PIAS1: variants seen among roughly 807,000 people sequenced by gnomAD.
PIAS1 encodes protein inhibitor of activated STAT 1.
Under a neutral mutation model 71.3 loss-of-function variants are expected in PIAS1, and 6 were observed. The observed-to-expected ratio is 0.08, with a 90% CI of 0.05 to 0.17. The LOEUF is 0.17. Ranked by LOEUF, PIAS1 falls within the 10% of genes least tolerant of loss-of-function variation. The probability of loss-of-function intolerance (pLI) is 1.00; values close to 1 mark genes in which losing one functional copy is unlikely to be tolerated. For synonymous variants in PIAS1, 303 were observed against 292.9 expected, an observed-to-expected ratio of 1.03 and a Z score of -0.35; for missense variants, 555 against 793.6, an observed-to-expected ratio of 0.70 and a Z score of 3.61.
chr15:68,125,791 C>A (rs367569460), intron 2 of PIAS1, among the ~76,000 whole-genome samples: 61 of 152,156 alleles, frequency 4.0e-4, no homozygotes, highest in African/African-American at 1.4e-3. Flanking sequence ...GCCTCAAACT[C>A]CTGAGCTTAA....
chr15:68,179,662 G>A (rs1404734756), intron 11 of PIAS1, among the ~76,000 whole-genome samples: 4 of 129,210 alleles, frequency 3.1e-5, no homozygotes, highest in Admixed American at 9.4e-5. Context: ...CACACCCTCC[G>A]CCTCCTGGGT....
intron 2 of PIAS1, among the ~76,000 whole-genome samples, chr15:68,110,633 G>A (rs1178275417): frequency 2.6e-5 from 4 of 152,006 alleles, no homozygotes; most frequent in South Asian, 2.1e-4. Flanking sequence ...ATGGTGGTGC[G>A]TGCCTGTAGT....
At chr15:68,166,276 G>A (rs542872985) in intron 8 of PIAS1, among the ~76,000 whole-genome samples, 2 of 151,784 alleles carry the variant, frequency 1.3e-5, no homozygotes, top group African/African-American at 4.8e-5. Context: ...TAAGTAACCA[G>A]GTAAATGTTA....
rs1188654426 is a variant in PIAS1, at chr15:68,054,625, C to T, written c.24+275C>T. 3 of 376,334 alleles carry T rather than the reference C, an allele frequency of 8.0e-6. No individual in the cohort carries two copies. Among genetic ancestry groups the T allele is most frequent in the African/African-American group, 4.3e-5 (2 of 46,974 alleles). 23.3% of individuals were successfully genotyped at this position (376,334 alleles called of 1,614,324 possible). A position where few individuals can be genotyped will look rare whatever the true frequency, so the allele number is the denominator to read the frequency against. ...GTGGCGGGGGAAGAGATAGGGAGTC[C>T]GGAGGTAGGGGCTGCAGCTGTCTCA... On this transcript the variant is annotated intron_variant, in intron 1 of 13. Coordinates refer to ENST00000249636, the MANE Select transcript of PIAS1 (RefSeq NM_016166.3). This position sits in a 1 kb window ranked among gnomAD's most constrained non-coding sequence, Gnocchi z 4.6.
At chr15:68,143,056 A>G (rs1309493865) in intron 4 of PIAS1, among the ~76,000 whole-genome samples, 2 of 151,866 alleles carry the variant, frequency 1.3e-5, no homozygotes, top group Admixed American at 1.3e-4. Flanking sequence ...TCTCCCTTAT[A>G]TATCTCCCTT....
intron 2 of PIAS1, among the ~76,000 whole-genome samples, chr15:68,135,088 G>GT (rs2092716741): frequency 2.0e-5 from 1 of 49,508 alleles, no homozygotes; most frequent in South Asian, 4.7e-4. Context: ...GGCTGGCCGG[G>GT]CGGGGGGCTG....
chr15:68,076,952 A>G (rs1357761117), intron 1 of PIAS1, among the ~76,000 whole-genome samples: 1 of 152,196 alleles, frequency 6.6e-6, no homozygotes, highest in African/African-American at 2.4e-5. Flanking sequence ...TGTAGGATAC[A>G]ATTTTTCAAA....
chr15:68,093,439 G>A (rs1279135611), intron 2 of PIAS1, among the ~76,000 whole-genome samples: 1 of 152,176 alleles, frequency 6.6e-6, no homozygotes, highest in Non-Finnish European at 1.5e-5. Context: ...GTAGGGCATT[G>A]GTCTGGATGT....
At chr15:68,143,313 A>G (rs1466303152) in intron 4 of PIAS1, among the ~76,000 whole-genome samples, 1 of 152,118 alleles carries the variant, frequency 6.6e-6, no homozygotes, top group African/African-American at 2.4e-5. Flanking sequence ...AGGCTAAAAA[A>G]GGGATTAATC....
At chr15:68,139,110 T>C (rs576269692) in intron 2 of PIAS1, among the ~76,000 whole-genome samples, 1 of 152,324 alleles carries the variant, frequency 6.6e-6, no homozygotes, top group South Asian at 2.1e-4. Flanking sequence ...ACAGAGCGTG[T>C]ATGTTTCTGT....
intron 2 of PIAS1, among the ~76,000 whole-genome samples, chr15:68,108,069 T>TG: frequency 6.6e-6 from 1 of 152,338 alleles, no homozygotes; most frequent in East Asian, 1.9e-4. Flanking sequence ...AGGAGCTTGA[T>TG]GCAGAGCTCA....
chr15:68,187,465 T>C lies in PIAS1; in HGVS notation c.1663-77T>C, dbSNP rs2093095143. On this transcript the variant is annotated intron_variant, in intron 13 of 13. Transcript: ENST00000249636. This position sits in a 1 kb window ranked among gnomAD's most constrained non-coding sequence, Gnocchi z 5.3. ...ACTCAGGCTATCTTAAATTTAGGGCTGTGTCCCGCTGAGGAGAAAATATAT... is the reference window on the plus strand; with the variant it reads ...ACTCAGGCTATCTTAAATTTAGGGCCGTGTCCCGCTGAGGAGAAAATATAT... The C allele has an allele frequency of 7.5e-7, 1 of 1,332,250 alleles. No individual in the cohort carries two copies. The highest frequency in any genetic ancestry group is 1.1e-6 in the Non-Finnish European group (1 of 947,526). The allele number at this position is 1,332,250 out of a possible 1,614,324, so 82.5% of individuals were successfully genotyped here.
chr15:68,158,551 G>A (rs1205917582), intron 7 of PIAS1, among the ~76,000 whole-genome samples: 1 of 152,068 alleles, frequency 6.6e-6, no homozygotes, highest in Non-Finnish European at 1.5e-5. Flanking sequence ...TGAGTTCTTT[G>A]GAGGAGGAAT....
chr15:68,143,077 A>AT (rs752012113), intron 4 of PIAS1, among the ~76,000 whole-genome samples: 174 of 151,002 alleles, frequency 1.2e-3, no homozygotes, highest in Non-Finnish European at 1.6e-3. Flanking sequence ...TTATATACAT[A>AT]TATATATATA....
chr15:68,101,295 A>C (rs2140998729), intron 2 of PIAS1, among the ~76,000 whole-genome samples: 1 of 150,192 alleles, frequency 6.7e-6, no homozygotes, highest in South Asian at 2.1e-4. Flanking sequence ...CTTCAGTGAA[A>C]TATCTTTTTA....
At chr15:68,097,618 A>G (rs1567040540) in intron 2 of PIAS1, among the ~76,000 whole-genome samples, 1 of 152,114 alleles carries the variant, frequency 6.6e-6, no homozygotes, top group South Asian at 2.1e-4. Flanking sequence ...TTTTTATTAA[A>G]TGCGGGGTTT....
intron 1 of PIAS1, among the ~76,000 whole-genome samples, chr15:68,075,178 C>G (rs2092147858): frequency 6.7e-6 from 1 of 148,654 alleles, no homozygotes; most frequent in Admixed American, 6.8e-5. Context: ...TCCGCCCCCC[C>G]AGGTTCAAGC....
chr15:68,180,098 G>A (rs181052161), intron 11 of PIAS1, among the ~76,000 whole-genome samples: 13 of 151,866 alleles, frequency 8.6e-5, no homozygotes, highest in Non-Finnish European at 1.5e-4. Flanking sequence ...AATTAGCTTT[G>A]TTTTTGTTTT....
At chr15:68,075,786 T>TG (rs949625434) in intron 1 of PIAS1, among the ~76,000 whole-genome samples, 1 of 150,598 alleles carries the variant, frequency 6.6e-6, no homozygotes, top group Non-Finnish European at 1.5e-5. Flanking sequence ...CCTAGGGCTT[T>TG]TTTTTTTTTT....
Sources: allele counts gnomAD v4.1 joint callset (sites outside exome capture counted in the v4.1 genomes callset), GRCh38; gene constraint gnomAD v4.1.1; non-coding constraint Gnocchi (gnomAD v3.1); transcripts MANE v1.5; gene names NCBI Gene and HGNC (gene_info 2026-07-23, HGNC 2026-07-21).